CSMD3: variants seen among roughly 807,000 people sequenced by gnomAD.
The protein encoded by CSMD3 is CUB and Sushi multiple domains 3.
CSMD3 carries 177 observed loss-of-function variants against 435.2 expected under a neutral mutation model. The observed-to-expected ratio is 0.41, with a 90% CI of 0.36 to 0.46. The LOEUF is 0.46. CSMD3 is among the 20% of genes least tolerant of loss of function. The pLI is 0.34. For missense variants in CSMD3, 4,265 were observed against 4,504.6 expected (o/e 0.95, Z 1.52); for synonymous variants, 1,656 against 1,520.5 (o/e 1.09, Z -2.07).
intron 5 of CSMD3, among the ~76,000 whole-genome samples, chr8:113,085,112 CT>C (rs1476475921): frequency 6.6e-6 from 1 of 151,974 alleles, no homozygotes; most frequent in African/African-American, 2.4e-5. Flanking sequence ...AACTAAAGAG[CT>C]TTGGCTAGCA....
At chr8:112,974,535 A>G (rs1170677798) in intron 7 of CSMD3, among the ~76,000 whole-genome samples, 1 of 151,784 alleles carries the variant, frequency 6.6e-6, no homozygotes, top group African/African-American at 2.4e-5. Flanking sequence ...TAAGACAAAA[A>G]CTGTTTACTT....
chr8:112,384,040 T>C (rs1282068567), intron 36 of CSMD3, among the ~76,000 whole-genome samples: 1 of 152,184 alleles, frequency 6.6e-6, no homozygotes. Flanking sequence ...AGTTTTCTAA[T>C]TTGCTTGTAG....
At chr8:113,072,941 A>G (rs1210140615) in intron 5 of CSMD3, among the ~76,000 whole-genome samples, 1 of 151,714 alleles carries the variant, frequency 6.6e-6, no homozygotes, top group Non-Finnish European at 1.5e-5. Context: ...TCCTTACTCA[A>G]CAATAACAAT....
intron 1 of CSMD3, among the ~76,000 whole-genome samples, chr8:113,351,480 TTGATCA>T (rs2094190043): frequency 6.6e-6 from 1 of 152,000 alleles, no homozygotes; most frequent in African/African-American, 2.4e-5. Context: ...TATTTACAAC[TTGATCA>T]TGATAGCTTT....
chr8:113,344,970 C>G (rs1261373521), intron 1 of CSMD3, among the ~76,000 whole-genome samples: 1 of 152,022 alleles, frequency 6.6e-6, no homozygotes, highest in Non-Finnish European at 1.5e-5. Context: ...TAGTATTATA[C>G]AGATTTCATA....
At chr8:112,651,001 C>A (rs921652425) in intron 18 of CSMD3, among the ~76,000 whole-genome samples, 1 of 152,132 alleles carries the variant, frequency 6.6e-6, no homozygotes, top group Non-Finnish European at 1.5e-5. Flanking sequence ...TTGTGGGTGT[C>A]CTGTGCATTG....
In CSMD3 at chr8:112,406,617, G is replaced by T. The variant is rs2130025184; in HGVS notation, c.5716C>A (p.Pro1906Thr). The change falls in exon 35 of 71, where the codon CCA becomes ACA. Residue 1906 changes from proline (P) to threonine (T), a missense_variant. By Grantham distance (38) the Pro-to-Thr change is conservative (BLOSUM62 -1). Coordinates refer to ENST00000297405, the MANE Select transcript of CSMD3 (RefSeq NM_198123.2). ...ATGGATCCATGGAGAATATATCCTG[G>T]ATTACAATCAAAAAGAACCGATGAA... is the stretch of plus-strand genomic sequence containing the variant. ...VGSSVLFDCN[P>T]GYILHGSIAI... The T allele has an allele frequency of 1.2e-6, 2 of 1,612,756 alleles. No homozygotes were observed. The highest frequency in any genetic ancestry group is 2.7e-5 in the African/African-American group (2 of 74,972).
intron 22 of CSMD3, among the ~76,000 whole-genome samples, chr8:112,609,865 T>G (rs889211757): frequency 1.3e-5 from 2 of 152,154 alleles, no homozygotes; most frequent in Non-Finnish European, 2.9e-5. Context: ...ATCCTGACTT[T>G]GCAACAACAT....
intron 2 of CSMD3, chr8:113,312,817 C>T (rs528334628): frequency 6.6e-6 from 1 of 151,948 alleles, no homozygotes; most frequent in African/African-American, 2.4e-5. Flanking sequence ...GACGTGCGTA[C>T]CATAATGTAT....
intron 36 of CSMD3, among the ~76,000 whole-genome samples, chr8:112,386,106 C>G (rs1312267366): frequency 6.6e-6 from 1 of 152,100 alleles, no homozygotes; most frequent in Admixed American, 6.5e-5. Flanking sequence ...CCACTAGAAG[C>G]TGGAAAAAAC....
At chr8:113,265,833 T>C (rs2093465976) in intron 3 of CSMD3, among the ~76,000 whole-genome samples, 1 of 151,560 alleles carries the variant, frequency 6.6e-6, no homozygotes, top group South Asian at 2.1e-4. Context: ...GTTGACTTTA[T>C]GGGCCTCTAA....
At chr8:112,587,722 A>T (rs1259566061) in intron 22 of CSMD3, among the ~76,000 whole-genome samples, 2 of 151,906 alleles carry the variant, frequency 1.3e-5, no homozygotes, top group African/African-American at 4.8e-5. Context: ...CAATAATAAA[A>T]AGGGAATCAA....
At chr8:113,299,487 C>T (rs1368116420) in intron 2 of CSMD3, among the ~76,000 whole-genome samples, 1 of 151,938 alleles carries the variant, frequency 6.6e-6, no homozygotes, top group Admixed American at 6.6e-5. Flanking sequence ...TTTTTGTTTG[C>T]AATAACTTTG....
intron 12 of CSMD3, among the ~76,000 whole-genome samples, chr8:112,815,580 C>A (rs1031967291): frequency 2.0e-5 from 3 of 152,082 alleles, no homozygotes; most frequent in African/African-American, 7.2e-5. Flanking sequence ...CCCCTAATTT[C>A]TTCTTCTACA....
chr8:113,366,074 C>G (rs1022115598), intron 1 of CSMD3, among the ~76,000 whole-genome samples: 5 of 151,852 alleles, frequency 3.3e-5, no homozygotes, highest in Non-Finnish European at 2.9e-5. Context: ...TCTGTTTCAC[C>G]AAAAAAGGTG....
At chr8:112,939,519 A>G (rs1023359747) in intron 9 of CSMD3, among the ~76,000 whole-genome samples, 3 of 152,068 alleles carry the variant, frequency 2.0e-5, no homozygotes, top group African/African-American at 7.2e-5. Flanking sequence ...TAACTTCCCC[A>G]AGTCAAGTAA....
chr8:113,039,284 G>C (rs1039359610), intron 5 of CSMD3, among the ~76,000 whole-genome samples: 3 of 151,912 alleles, frequency 2.0e-5, no homozygotes, highest in Non-Finnish European at 4.4e-5. Flanking sequence ...TATATCTATG[G>C]TTAGAATCTT....
chr8:113,282,308 A>G (rs532944064), intron 2 of CSMD3, among the ~76,000 whole-genome samples: 1 of 152,138 alleles, frequency 6.6e-6, no homozygotes, highest in Admixed American at 6.6e-5. Flanking sequence ...TGATGATATG[A>G]TCGTTTACCT....
At chr8:112,337,334 T>G (rs1824672217) in intron 43 of CSMD3, among the ~76,000 whole-genome samples, 1 of 152,198 alleles carries the variant, frequency 6.6e-6, no homozygotes, top group East Asian at 1.9e-4. Flanking sequence ...ATCAACTATT[T>G]TTTCACTCCC....
Sources: allele counts gnomAD v4.1 joint callset (sites outside exome capture counted in the v4.1 genomes callset), GRCh38; gene constraint gnomAD v4.1.1; transcripts MANE v1.5; gene names NCBI Gene and HGNC (gene_info 2026-07-23, HGNC 2026-07-21).